GOLGA3: variants seen among roughly 807,000 people sequenced by gnomAD.
GOLGA3 encodes the protein golgin A3.
In GOLGA3, 75 loss-of-function variants were observed where a neutral mutation model predicts 169.4. The observed-to-expected ratio is 0.44, with a 90% CI of 0.37 to 0.54. The LOEUF (loss-of-function observed/expected upper bound fraction) is 0.54. Ranked by LOEUF, GOLGA3 falls within the 20% of genes least tolerant of loss-of-function variation. The pLI is 0.00. For synonymous variants in GOLGA3, 824 were observed against 822.4 expected, an observed-to-expected ratio of 1.00 and a Z score of -0.03; for missense variants, 1,899 against 1,930.0, an observed-to-expected ratio of 0.98 and a Z score of 0.30.
rs75050779 is a variant in GOLGA3, at chr12:132,773,479, C to T, written c.4308-185G>A. ...CGTTCTCTACACTGTGCAGAGGACA[C>T]AGGCTCAAGGACCAGTCCTGACCAG... On this transcript the variant is annotated intron_variant, in intron 23 of 23. Transcript: ENST00000450791. 7.5e-3 allele frequency among the ~76,000 whole-genome samples: 1,148 copies of T among 152,358 alleles called. 19 individuals carry two copies. The highest frequency in any genetic ancestry group is 0.025 in the African/African-American group (1,026 of 41,574).
chr12:132,798,826 CTTAT>C (rs1948997653), intron 8 of GOLGA3, among the ~76,000 whole-genome samples: 1 of 152,190 alleles, frequency 6.6e-6, no homozygotes, highest in Non-Finnish European at 1.5e-5. Context: ...GGTGAGGAGG[CTTAT>C]CTTAACTGAA....
Position 132,772,787 on chromosome 12 carries a change from C to T in GOLGA3, c.*318G>A, listed in dbSNP as rs1243972808. 3 of 238,662 alleles carry T rather than the reference C, an allele frequency of 1.3e-5. No homozygotes were observed. The Admixed American group carries it at 1.6e-4, about 13-fold the overall frequency. The allele number at this position is 238,662 out of a possible 1,614,324, so 14.8% of individuals were successfully genotyped here. Reference sequence around the variant, plus strand: ...AGCTGCTCCCAGTTACGCAGCCTCTCCCTGTCACCCGCAGAGAGCAGCATC... The same window carrying T: ...AGCTGCTCCCAGTTACGCAGCCTCTTCCTGTCACCCGCAGAGAGCAGCATC... On this transcript the variant is annotated 3_prime_UTR_variant, in exon 24 of 24. Coordinates refer to ENST00000450791, the MANE Select transcript of GOLGA3 (RefSeq NM_001389683.1).
rs1180749693 is a variant in GOLGA3, at chr12:132,769,880, G to A, written c.*3225C>T. 1 of 152,222 alleles carries A rather than the reference G, an allele frequency of 6.6e-6. No homozygotes were observed. The highest frequency in any genetic ancestry group is 2.4e-5 in the African/African-American group (1 of 41,448). 9.4% of individuals were successfully genotyped at this position (152,222 alleles called of 1,614,324 possible). ...TGCACTGAAGTAACTCTGGAAGGTA[G>A]AAGTGCCGGGAGAGTCCCTTGGAGA... On this transcript the variant is annotated 3_prime_UTR_variant, in exon 24 of 24. Transcript: ENST00000450791.
chr12:132,796,360 C>A, intron 10 of GOLGA3, 140 bp from the exon 11 acceptor site: 1 of 1,230,300 alleles, frequency 8.1e-7, no homozygotes. Flanking sequence ...TATAGAAGAA[C>A]CAGCAGGGCA....
chr12:132,820,549 G>A (rs1229087994), intron 2 of GOLGA3, among the ~76,000 whole-genome samples: 2 of 152,122 alleles, frequency 1.3e-5, no homozygotes, highest in African/African-American at 4.8e-5. Flanking sequence ...CATCCTAAGC[G>A]CCTGAGTATC....
Position 132,770,984 on chromosome 12 carries a change from A to G in GOLGA3, c.*2121T>C, listed in dbSNP as rs1437789367. The G allele has an allele frequency of 2.0e-5, 3 of 152,760 alleles. No individual in the cohort carries two copies. The highest frequency in any genetic ancestry group is 3.9e-4 in the East Asian group (2 of 5,190). The allele number at this position is 152,760 out of a possible 1,614,324, so 9.5% of individuals were successfully genotyped here. On this transcript the variant is annotated 3_prime_UTR_variant, in exon 24 of 24. Coordinates refer to ENST00000450791, the MANE Select transcript of GOLGA3 (RefSeq NM_001389683.1). The stretch of plus-strand genomic sequence containing the variant: ...ACAAAGGGGTAGTACAGCCAAAATA[A>G]ATAAGAACGTAAATTGCCGTATTTT...
Position 132,777,899 on chromosome 12 carries a change from G to C in GOLGA3, c.3583-94C>G. On this transcript the variant is annotated intron_variant, in intron 18 of 23. Transcript: ENST00000450791. The surrounding 1 kb of genome is among the most constrained non-coding windows in gnomAD (Gnocchi z 4.7). ...AGGGGGTGAATGCACTCCCGGCCCCGTGCATGTCCTGGCTGCCGGCGTGTG... is the reference window on the plus strand; with the variant it reads ...AGGGGGTGAATGCACTCCCGGCCCCCTGCATGTCCTGGCTGCCGGCGTGTG... 7.3e-7 allele frequency: 1 copy of C among 1,369,688 alleles called. No individual in the cohort carries two copies. Among genetic ancestry groups the C allele is most frequent in the Non-Finnish European group, 1.0e-6 (1 of 1,004,732 alleles). The allele number at this position is 1,369,688 out of a possible 1,614,324, so 84.8% of individuals were successfully genotyped here. A position where few individuals can be genotyped will look rare whatever the true frequency, so the allele number is the denominator to read the frequency against.
chr12:132,807,819 C>T (rs1395172305), intron 5 of GOLGA3, 72 bp downstream of exon 5: 1 of 144,000 alleles, frequency 6.9e-6, no homozygotes, highest in East Asian at 2.5e-4. Context: ...CCCACCTCTG[C>T]CCGCCCCACA....
intron 17 of GOLGA3, among the ~76,000 whole-genome samples, 167 bp from the exon 18 acceptor site, chr12:132,781,081 G>A (rs549258989): frequency 8.5e-5 from 13 of 152,334 alleles, no homozygotes; most frequent in South Asian, 2.1e-4. Flanking sequence ...CCTAGGTTGC[G>A]GGAGCATGAT....
intron 15 of GOLGA3, 143 bp downstream of exon 15, chr12:132,786,196 G>A (rs949340955): frequency 9.9e-6 from 6 of 606,098 alleles, no homozygotes; most frequent in Admixed American, 9.6e-5. Flanking sequence ...TGGTAACCTG[G>A]AAGATGAGCG....
intron 3 of GOLGA3, 126 bp from the exon 4 acceptor site, chr12:132,813,545 T>C: frequency 1.8e-6 from 1 of 569,358 alleles, no homozygotes; most frequent in Non-Finnish European, 3.2e-6. Context: ...TGCACAGCCA[T>C]CTTGTTTGGA....
chr12:132,779,955 A>G (rs1308530123), intron 18 of GOLGA3, among the ~76,000 whole-genome samples: 1 of 118,228 alleles, frequency 8.5e-6, no homozygotes, highest in African/African-American at 3.3e-5. Flanking sequence ...GCGTATACAG[A>G]CATCACAACC....
rs2044825111 is a variant in GOLGA3, at chr12:132,769,919, A to G, written c.*3186T>C. On this transcript the variant is annotated 3_prime_UTR_variant, in exon 24 of 24. Coordinates refer to ENST00000450791, the MANE Select transcript of GOLGA3 (RefSeq NM_001389683.1). The stretch of plus-strand genomic sequence containing the variant: ...GTCCCTTGGAGATAAAAAAACCTCA[A>G]CAATAAAAAAAAGCAATTTAAAAAT... 1 of 152,142 alleles carries G rather than the reference A, an allele frequency of 6.6e-6. No homozygotes were observed. Among genetic ancestry groups the G allele is most frequent in the African/African-American group, 2.4e-5 (1 of 41,430 alleles). 9.4% of individuals were successfully genotyped at this position (152,142 alleles called of 1,614,324 possible). A position where few individuals can be genotyped will look rare whatever the true frequency, so the allele number is the denominator to read the frequency against.
intron 1 of GOLGA3, chr12:132,828,481 A>T (rs1950517159): frequency 6.6e-6 from 1 of 152,354 alleles, no homozygotes; most frequent in Non-Finnish European, 1.5e-5. Context: ...GCAAAGGGCC[A>T]GGCTAAAGCA....
At chr12:132,773,535 G>A (rs2045029196) in intron 23 of GOLGA3, among the ~76,000 whole-genome samples, 1 of 152,234 alleles carries the variant, frequency 6.6e-6, no homozygotes, top group African/African-American at 2.4e-5. Flanking sequence ...ACTGAGGCCT[G>A]GCACACACGA....
At chr12:132,821,167 G>A (rs1316036116) in intron 2 of GOLGA3, among the ~76,000 whole-genome samples, 1 of 149,674 alleles carries the variant, frequency 6.7e-6, no homozygotes, top group Admixed American at 6.7e-5. Context: ...AGCACTTTGG[G>A]ATGCCAAGGT....
chr12:132,785,135 C>T (rs189754414), intron 15 of GOLGA3, among the ~76,000 whole-genome samples: 1 of 152,366 alleles, frequency 6.6e-6, no homozygotes, highest in East Asian at 1.9e-4. Flanking sequence ...CGGACGGACA[C>T]AAGACATCGG....
At chr12:132,797,382 T>C (rs1948899224) in intron 9 of GOLGA3, among the ~76,000 whole-genome samples, 1 of 152,112 alleles carries the variant, frequency 6.6e-6, no homozygotes, top group African/African-American at 2.4e-5. Flanking sequence ...CATTTCTTCT[T>C]CTTTAATTTT....
chr12:132,790,653 C>G (rs1026169778), intron 12 of GOLGA3, among the ~76,000 whole-genome samples: 5 of 152,136 alleles, frequency 3.3e-5, no homozygotes, highest in Non-Finnish European at 7.4e-5. Context: ...GGTATGCTGA[C>G]AGGCGCTCCA....
Sources: allele counts gnomAD v4.1 joint callset (sites outside exome capture counted in the v4.1 genomes callset), GRCh38; gene constraint gnomAD v4.1.1; non-coding constraint Gnocchi (gnomAD v3.1); transcripts MANE v1.5; gene names NCBI Gene and HGNC (gene_info 2026-07-23, HGNC 2026-07-21).